The following CCDC171 variants were observed in gnomAD, a reference collection of about 807,000 sequenced individuals.
The protein encoded by CCDC171 is coiled-coil domain containing 171, also known as coiled-coil domain-containing protein 171.
Under a neutral mutation model 168.2 loss-of-function variants are expected in CCDC171, and 177 were observed. The ratio of observed to expected loss-of-function variants is 1.05; its 90% CI spans 0.93 to 1.19. CCDC171 has a LOEUF of 1.19. Ranked by LOEUF, CCDC171 falls within the 50% of genes most tolerant of loss-of-function variation. The pLI is 0.00. For missense variants in CCDC171, 1,991 were observed against 1,539.0 expected (o/e 1.29, Z -4.91); for synonymous variants, 687 against 540.8 (o/e 1.27, Z -3.75).
intron 21 of CCDC171, among the ~76,000 whole-genome samples, chr9:15,812,875 G>C (rs1390661893): frequency 6.6e-6 from 1 of 152,164 alleles, no homozygotes; most frequent in African/African-American, 2.4e-5. Context: ...TTGAGCATGG[G>C]TTTAAATTAT....
chr9:15,705,277 G>A (rs1447439157), intron 11 of CCDC171, among the ~76,000 whole-genome samples: 4 of 152,118 alleles, frequency 2.6e-5, no homozygotes, highest in South Asian at 2.1e-4. Context: ...AAAGCTGGAC[G>A]GAAACTACAA....
upstream of CCDC171, among the ~76,000 whole-genome samples, chr9:16,038,713 TA>T (rs369844163): frequency 4.9e-4 from 75 of 151,710 alleles, 1 homozygote; most frequent in South Asian, 0.016. Flanking sequence ...AAATAAACCC[TA>T]AAAAATGTTA....
intron 3 of CCDC171, among the ~76,000 whole-genome samples, chr9:15,988,931 A>C (rs1199406378): frequency 6.6e-6 from 1 of 152,100 alleles, no homozygotes; most frequent in African/African-American, 2.4e-5. Flanking sequence ...AGCGGCCGGG[A>C]AGCTCGAACT....
chr9:15,866,276 T>C (rs1382785950), intron 23 of CCDC171, among the ~76,000 whole-genome samples: 3 of 151,804 alleles, frequency 2.0e-5, no homozygotes, highest in African/African-American at 7.3e-5. Flanking sequence ...TTTTGCAAAC[T>C]GGATATAGTG....
At chr9:15,723,557 T>A in intron 12 of CCDC171, 124 bp from the exon 13 acceptor site, 3 of 653,230 alleles carry the variant, frequency 4.6e-6, no homozygotes, top group Non-Finnish European at 5.3e-6. Context: ...TATTGAAAAA[T>A]TTGTATTTAA....
At chr9:15,581,159 C>A (rs1347561165) in intron 4 of CCDC171, among the ~76,000 whole-genome samples, 1 of 152,178 alleles carries the variant, frequency 6.6e-6, no homozygotes, top group Non-Finnish European at 1.5e-5. Context: ...AGAGCCAAAT[C>A]ATGAGTGAAC....
intron 18 of CCDC171, among the ~76,000 whole-genome samples, chr9:15,753,677 A>C (rs1193287674): frequency 6.6e-6 from 1 of 152,114 alleles, no homozygotes; most frequent in African/African-American, 2.4e-5. Context: ...GGTGCCTTTG[A>C]TATTAGATCT....
chr9:15,736,541 G>A (rs772379517), intron 16 of CCDC171, among the ~76,000 whole-genome samples: 131 of 152,170 alleles, frequency 8.6e-4, no homozygotes, highest in Non-Finnish European at 1.8e-3. Context: ...AAGTAGAGAC[G>A]GGGTTTCGCC....
intron 8 of CCDC171, among the ~76,000 whole-genome samples, chr9:15,663,608 C>CTTTTTTTTTTTTT (rs56022914): frequency 8.1e-6 from 1 of 123,228 alleles, no homozygotes; most frequent in Non-Finnish European, 1.8e-5. Flanking sequence ...CTTTTTTTTT[C>CTTTTTTTTTTTTT]TTTTTTTTTT....
intron 1 of CCDC171, among the ~76,000 whole-genome samples, chr9:16,054,188 A>G (rs1833796864): frequency 1.3e-5 from 2 of 152,094 alleles, no homozygotes; most frequent in Non-Finnish European, 2.9e-5. Flanking sequence ...GGCCAGAGGG[A>G]GCGAAGGGAG....
chr9:16,017,971 A>T (rs1323608520), intron 3 of CCDC171, among the ~76,000 whole-genome samples: 1 of 152,228 alleles, frequency 6.6e-6, no homozygotes, highest in Non-Finnish European at 1.5e-5. Context: ...GCTGGTGGAA[A>T]TGACAGAAGC....
At chr9:15,642,343 G>A (rs867754545) in intron 7 of CCDC171, among the ~76,000 whole-genome samples, 131 of 107,456 alleles carry the variant, frequency 1.2e-3, no homozygotes, top group African/African-American at 6.4e-3. Flanking sequence ...GTGTGTGTGT[G>A]TATATATATA....
intron 18 of CCDC171, among the ~76,000 whole-genome samples, chr9:15,766,986 G>A (rs1261992414): frequency 6.6e-6 from 1 of 152,102 alleles, no homozygotes; most frequent in South Asian, 2.1e-4. Flanking sequence ...TTAAAGGAGG[G>A]ATGTGTCAGT....
chr9:15,843,806 A>T (rs1048102110), intron 21 of CCDC171, among the ~76,000 whole-genome samples: 11 of 152,230 alleles, frequency 7.2e-5, no homozygotes, highest in Admixed American at 1.3e-4. Context: ...ATTGCTTTGC[A>T]ATCACTATGG....
intron 11 of CCDC171, among the ~76,000 whole-genome samples, chr9:15,701,561 C>T (rs112014823): frequency 8.6e-5 from 13 of 151,002 alleles, no homozygotes; most frequent in African/African-American, 3.1e-4. Flanking sequence ...TACCATTTTA[C>T]CCTCAGTACA....
chr9:15,963,595 C>G (rs1329310805), intron 25 of CCDC171, among the ~76,000 whole-genome samples: 1 of 152,148 alleles, frequency 6.6e-6, no homozygotes, highest in East Asian at 1.9e-4. Flanking sequence ...CATCAGACAT[C>G]TAAGTTTTTG....
At chr9:16,035,204 C>T (rs1007327789) in intron 6 of CCDC171, among the ~76,000 whole-genome samples, 3 of 152,094 alleles carry the variant, frequency 2.0e-5, no homozygotes, top group African/African-American at 7.2e-5. Flanking sequence ...CCTTCAAATT[C>T]GGTCTTAAAA....
downstream of CCDC171, among the ~76,000 whole-genome samples, chr9:16,066,047 C>A (rs746568756): frequency 3.9e-5 from 6 of 152,078 alleles, no homozygotes; most frequent in Non-Finnish European, 7.4e-5. Flanking sequence ...AGGTCCTTTC[C>A]GTCCATCCCA....
intron 23 of CCDC171, among the ~76,000 whole-genome samples, chr9:15,861,798 T>C (rs2061570875): frequency 6.6e-6 from 1 of 152,060 alleles, no homozygotes; most frequent in Admixed American, 6.6e-5. Flanking sequence ...ATTAGAGTAA[T>C]AAAGCATTCT....
Sources: gnomAD v4.1 joint callset for allele counts (sites outside exome capture counted in the v4.1 genomes callset) on GRCh38, gnomAD v4.1.1 for gene constraint, MANE v1.5 for transcripts, NCBI Gene and HGNC (gene_info 2026-07-23, HGNC 2026-07-21) for gene names.